Variants in SORCS2 observed in about 807,000 individuals in gnomAD.
SORCS2 encodes sortilin related VPS10 domain containing receptor 2, also known as VPS10 domain-containing receptor SorCS2.
A neutral mutation model predicts 141.6 loss-of-function variants in SORCS2; 100 were observed. That is an observed-to-expected ratio of 0.71 (90% CI 0.60 to 0.83). SORCS2 has a LOEUF of 0.83. SORCS2 is among the 40% of genes least tolerant of loss of function. SORCS2 has a pLI of 0.00. For missense variants in SORCS2, 1,646 were observed against 1,560.2 expected, an observed-to-expected ratio of 1.05 and a Z score of -0.93; for synonymous variants, 789 against 676.9, an observed-to-expected ratio of 1.17 and a Z score of -2.57.
chr4:7,629,622 G>C (rs1343121677), intron 3 of SORCS2, among the ~76,000 whole-genome samples: 2 of 149,946 alleles, frequency 1.3e-5, no homozygotes, highest in Middle Eastern at 3.2e-3. Context: ...TCCTAGGCCA[G>C]TTCTTTTTCC....
intron 1 of SORCS2, among the ~76,000 whole-genome samples, chr4:7,342,483 CT>C: frequency 1.3e-5 from 2 of 152,302 alleles, no homozygotes; most frequent in African/African-American, 4.8e-5. Flanking sequence ...GCCCTCCTAC[CT>C]TTCTTCTTTC....
intron 25 of SORCS2, 134 bp from the exon 26 acceptor site, chr4:7,736,934 TG>T: frequency 8.7e-7 from 1 of 1,151,290 alleles, no homozygotes; most frequent in Non-Finnish European, 1.2e-6. Context: ...AACTTGGGGC[TG>T]GGGTAGGCAC....
Position 7,195,266 on chromosome 4 carries a change from A to G in SORCS2, c.480+2140A>G, listed in dbSNP as rs561569959. Among the ~76,000 whole-genome samples, 18 of 152,008 alleles carry G rather than the reference A, an allele frequency of 1.2e-4. No homozygotes were observed. The South Asian group carries it at 2.9e-3, about 25-fold the overall frequency. ...TTAGTGAGGACAGCAAGTCCAAGGAACCAGAGAGGAGCTTTAAGGGATGGA... is the reference window on the plus strand; with the variant it reads ...TTAGTGAGGACAGCAAGTCCAAGGAGCCAGAGAGGAGCTTTAAGGGATGGA... On this transcript the variant is annotated intron_variant, in intron 1 of 26. Coordinates refer to ENST00000507866, the MANE Select transcript of SORCS2 (RefSeq NM_020777.3).
rs115460907 is a variant in SORCS2, at chr4:7,339,638, C to T, written c.481-56650C>T. ...TGTCAGGACACCCAGTCATATTGGGCTCACCAAATGACCTCATTTTACCTT... is the reference window on the plus strand; with the variant it reads ...TGTCAGGACACCCAGTCATATTGGGTTCACCAAATGACCTCATTTTACCTT... On this transcript the variant is annotated intron_variant, in intron 1 of 26. Transcript: ENST00000507866. Among the ~76,000 whole-genome samples, 1,012 of 152,310 alleles carry T rather than the reference C, an allele frequency of 6.6e-3. 11 individuals carry two copies. Among genetic ancestry groups the T allele is most frequent in the African/African-American group, 0.022 (924 of 41,566 alleles).
chr4:7,216,637 C>G (rs1052132403), intron 1 of SORCS2, among the ~76,000 whole-genome samples: 2 of 152,174 alleles, frequency 1.3e-5, no homozygotes, highest in African/African-American at 4.8e-5. Flanking sequence ...CCTCCAATCT[C>G]TGCCTTCGCG....
intron 3 of SORCS2, among the ~76,000 whole-genome samples, chr4:7,636,569 T>C (rs1319746290): frequency 6.6e-6 from 1 of 151,782 alleles, no homozygotes; most frequent in Admixed American, 6.6e-5. Context: ...CACCTGTGAG[T>C]GTCTGGGTGT....
rs1354708456 is a variant in SORCS2, at chr4:7,201,836, G to C, written c.480+8710G>C. ...ACCTGAGAAGCCTGGCTGTGCTGCAGCTGCTGTTCCTGACCGACGTCCTCC... is the reference window on the plus strand; with the variant it reads ...ACCTGAGAAGCCTGGCTGTGCTGCACCTGCTGTTCCTGACCGACGTCCTCC... On this transcript the variant is annotated intron_variant, in intron 1 of 26. Transcript: ENST00000507866. The surrounding 1 kb of genome is among the most constrained non-coding windows in gnomAD (Gnocchi z 4.4). Among the ~76,000 whole-genome samples, 1 of 152,200 alleles carries C rather than the reference G, an allele frequency of 6.6e-6. No individual in the cohort carries two copies. The highest frequency in any genetic ancestry group is 1.5e-5 in the Non-Finnish European group (1 of 68,034).
chr4:7,285,046 T>C (rs1277496860), intron 1 of SORCS2, among the ~76,000 whole-genome samples: 1 of 151,210 alleles, frequency 6.6e-6, no homozygotes, highest in Non-Finnish European at 1.5e-5. Flanking sequence ...ATTTTTTTTT[T>C]TTTGAGATGG....
At chr4:7,706,127 TGGGCTCCGCCTG>T (rs1441903105) in intron 14 of SORCS2, among the ~76,000 whole-genome samples, 132 of 136,604 alleles carry the variant, frequency 9.7e-4, no homozygotes, top group Non-Finnish European at 1.5e-3. Context: ...GGGATGAGGC[TGGGCTCCGCCTG>T]GACAGAGAAG....
At chr4:7,729,389 C>T (rs1262509808) in intron 22 of SORCS2, among the ~76,000 whole-genome samples, 198 bp from the exon 23 acceptor site, 1 of 151,996 alleles carries the variant, frequency 6.6e-6, no homozygotes. Context: ...GGGCTGAGGG[C>T]CCTGGGTAGC....
At chr4:7,337,505 A>C (rs1490214657) in intron 1 of SORCS2, among the ~76,000 whole-genome samples, 4 of 152,106 alleles carry the variant, frequency 2.6e-5, no homozygotes, top group African/African-American at 9.7e-5. Flanking sequence ...GCGCAGGTGC[A>C]CCGGCCCTGA....
intron 1 of SORCS2, among the ~76,000 whole-genome samples, chr4:7,290,481 C>G (rs1012114932): frequency 1.3e-5 from 2 of 152,292 alleles, no homozygotes; most frequent in South Asian, 4.1e-4. Context: ...GGATTTTTCT[C>G]CCTTCCCCAT....
intron 2 of SORCS2, among the ~76,000 whole-genome samples, chr4:7,474,182 A>T (rs1730149964): frequency 6.6e-6 from 1 of 152,160 alleles, no homozygotes; most frequent in African/African-American, 2.4e-5. Context: ...GTGTTGGATG[A>T]ATGAATGAGT....
At chr4:7,268,896 C>T (rs1247649346) in intron 1 of SORCS2, among the ~76,000 whole-genome samples, 2 of 151,984 alleles carry the variant, frequency 1.3e-5, no homozygotes. Flanking sequence ...ATACTCAGGG[C>T]ATTTTAGGAT....
rs1396191697 is a variant in SORCS2 at position 7,367,203 on chromosome 4, A to G, written c.481-29085A>G. The stretch of plus-strand genomic sequence containing the variant: ...GGGAGGTGGTAGTCTCGTACTTGGC[A>G]ATGACTTGGCCATCCTTGGAACACC... On this transcript the variant is annotated intron_variant, in intron 1 of 26. Coordinates refer to ENST00000507866, the MANE Select transcript of SORCS2 (RefSeq NM_020777.3). Among the ~76,000 whole-genome samples, 13 of 152,184 alleles carry G rather than the reference A, an allele frequency of 8.5e-5. No homozygotes were observed. In the East Asian group the frequency reaches 2.1e-3, roughly 25 times the overall value.
At chr4:7,633,564 T>G (rs562837653) in intron 3 of SORCS2, among the ~76,000 whole-genome samples, 3 of 140,714 alleles carry the variant, frequency 2.1e-5, no homozygotes, top group Non-Finnish European at 4.6e-5. Context: ...CCATGTGGTT[T>G]TGCAATGTGA....
chr4:7,292,260 G>A (rs1247681813), intron 1 of SORCS2, among the ~76,000 whole-genome samples: 6 of 145,756 alleles, frequency 4.1e-5, no homozygotes, highest in Admixed American at 4.1e-4. Flanking sequence ...CCGCATTCAC[G>A]GTCCGTTCAC....
At chr4:7,433,771 C>T in intron 2 of SORCS2, 3 of 1,613,536 alleles carry the variant, frequency 1.9e-6, no homozygotes, top group Non-Finnish European at 2.5e-6. Context: ...CCGGGCCCGC[C>T]TCCGGTTGCC....
intron 1 of SORCS2, among the ~76,000 whole-genome samples, chr4:7,246,669 A>G (rs943392197): frequency 6.6e-6 from 1 of 152,220 alleles, no homozygotes; most frequent in Admixed American, 6.5e-5. Flanking sequence ...AGGAGCAGTG[A>G]TGGGAAGAGC....
Sources: gnomAD v4.1 joint callset for allele counts (sites outside exome capture counted in the v4.1 genomes callset) on GRCh38, gnomAD v4.1.1 for gene constraint, Gnocchi (gnomAD v3.1) non-coding constraint, MANE v1.5 for transcripts, NCBI Gene and HGNC (gene_info 2026-07-23, HGNC 2026-07-21) for gene names.